The following EEFSEC variants were observed in gnomAD, a reference collection of about 807,000 sequenced individuals.
The protein encoded by EEFSEC is eukaryotic elongation factor, selenocysteine-tRNA specific.
EEFSEC carries 43 observed loss-of-function variants against 42.1 expected under a neutral mutation model. The ratio of observed to expected loss-of-function variants is 1.02; its 90% CI spans 0.80 to 1.32. The LOEUF (loss-of-function observed/expected upper bound fraction) is 1.32. Ranked by LOEUF, EEFSEC falls within the 40% of genes most tolerant of loss-of-function variation. EEFSEC has a pLI of 0.00. For synonymous variants in EEFSEC, 354 were observed against 339.1 expected (o/e 1.04, Z -0.48); for missense variants, 745 against 803.6 (o/e 0.93, Z 0.88).
intron 1 of EEFSEC, 75 bp downstream of exon 1, chr3:128,153,898 C>T (rs1164821256): frequency 2.1e-6 from 3 of 1,424,728 alleles, no homozygotes; most frequent in Non-Finnish European, 1.8e-6. Context: ...CGAATTCGCT[C>T]GAGCCTTTGC....
At chr3:128,345,021 G>A (rs1024659642) in intron 5 of EEFSEC, among the ~76,000 whole-genome samples, 2 of 152,138 alleles carry the variant, frequency 1.3e-5, no homozygotes, top group Admixed American at 6.5e-5. Context: ...CTTGACCAGG[G>A]GCTCAGCCAT....
chr3:128,235,825 G>C (rs1193404120), intron 1 of EEFSEC, among the ~76,000 whole-genome samples: 1 of 151,638 alleles, frequency 6.6e-6, no homozygotes, highest in Non-Finnish European at 1.5e-5. Flanking sequence ...TGTGCACGTG[G>C]GTCACTGCTA....
intron 1 of EEFSEC, among the ~76,000 whole-genome samples, chr3:128,176,082 G>A (rs1420362733): frequency 1.3e-5 from 2 of 152,138 alleles, no homozygotes; most frequent in Non-Finnish European, 2.9e-5. Context: ...CCTATACTCT[G>A]TAAGTGGTGT....
chr3:128,375,750 C>G (rs1225989546), intron 6 of EEFSEC, among the ~76,000 whole-genome samples: 2 of 152,186 alleles, frequency 1.3e-5, no homozygotes, highest in Non-Finnish European at 2.9e-5. Context: ...GCTCTGAATC[C>G]CAGGTGGCTC....
chr3:128,235,821 C>T (rs566411378), intron 1 of EEFSEC, among the ~76,000 whole-genome samples: 31 of 152,008 alleles, frequency 2.0e-4, no homozygotes, highest in Admixed American at 3.3e-4. Context: ...CCCATGTGCA[C>T]GTGGGTCACT....
intron 5 of EEFSEC, among the ~76,000 whole-genome samples, chr3:128,344,874 C>G (rs371095263): frequency 6.6e-6 from 1 of 152,224 alleles, no homozygotes; most frequent in Non-Finnish European, 1.5e-5. Context: ...TATGTAAGAG[C>G]CGACTCTCAT....
intron 4 of EEFSEC, among the ~76,000 whole-genome samples, chr3:128,339,924 A>C (rs577492194): frequency 6.6e-6 from 1 of 152,310 alleles, no homozygotes; most frequent in African/African-American, 2.4e-5. Flanking sequence ...AAACAATCAG[A>C]TCTAGTGAGA....
intron 3 of EEFSEC, among the ~76,000 whole-genome samples, chr3:128,264,305 C>G (rs2811545): frequency 0.84 from 127,837 of 152,200 alleles, 54,166 homozygotes; most frequent in East Asian, 0.99. Flanking sequence ...TGGCTACTCT[C>G]CTGCAGCATG....
At chr3:128,156,517 G>A (rs1944384008) in intron 1 of EEFSEC, among the ~76,000 whole-genome samples, 1 of 152,162 alleles carries the variant, frequency 6.6e-6, no homozygotes, top group South Asian at 2.1e-4. Flanking sequence ...CAAATCGAAG[G>A]TTCAAGGCAA....
intron 6 of EEFSEC, among the ~76,000 whole-genome samples, chr3:128,387,233 C>T (rs2067851490): frequency 6.6e-6 from 1 of 152,196 alleles, no homozygotes; most frequent in South Asian, 2.1e-4. Flanking sequence ...GAGGTGGCTC[C>T]TGAGGACAGA....
intron 4 of EEFSEC, among the ~76,000 whole-genome samples, chr3:128,290,955 G>A (rs531002310): frequency 7.2e-5 from 11 of 151,784 alleles, no homozygotes; most frequent in Non-Finnish European, 1.5e-4. Flanking sequence ...CGCCATATTG[G>A]CCATGGCTGG....
At chr3:128,348,705 T>A (rs73201466) in intron 5 of EEFSEC, among the ~76,000 whole-genome samples, 1,560 of 152,194 alleles carry the variant, frequency 0.01, 13 homozygotes, top group Non-Finnish European at 0.014. Context: ...ATATATTAGG[T>A]AAATAGTAGG....
At chr3:128,257,794 A>C (rs1230151380) in intron 2 of EEFSEC, among the ~76,000 whole-genome samples, 1 of 152,180 alleles carries the variant, frequency 6.6e-6, no homozygotes, top group Non-Finnish European at 1.5e-5. Flanking sequence ...AAAGTGCAGG[A>C]AGTACTCACC....
chr3:128,410,837 C>T (rs1436733134), downstream of EEFSEC, among the ~76,000 whole-genome samples: 2 of 152,172 alleles, frequency 1.3e-5, no homozygotes, highest in African/African-American at 2.4e-5. Context: ...GCGTCCACCT[C>T]CACCCCACCT....
At chr3:128,381,127 GT>G (rs1232760414) in intron 6 of EEFSEC, among the ~76,000 whole-genome samples, 4 of 152,330 alleles carry the variant, frequency 2.6e-5, no homozygotes, top group Admixed American at 2.6e-4. Context: ...TGGGCATTTA[GT>G]TGGAAAGCCA....
At chr3:128,225,222 T>C (rs2065896955) in intron 1 of EEFSEC, among the ~76,000 whole-genome samples, 1 of 151,500 alleles carries the variant, frequency 6.6e-6, no homozygotes, top group Non-Finnish European at 1.5e-5. Flanking sequence ...TGTCTATTCT[T>C]AAGGAGGTGT....
intron 1 of EEFSEC, among the ~76,000 whole-genome samples, chr3:128,154,333 G>T (rs1368722263): frequency 4.6e-5 from 7 of 152,096 alleles, no homozygotes; most frequent in South Asian, 2.1e-4. Flanking sequence ...TTTTAGACAC[G>T]ATTTCACTCA....
intron 6 of EEFSEC, among the ~76,000 whole-genome samples, chr3:128,390,633 C>T (rs998842350): frequency 6.6e-6 from 1 of 152,180 alleles, no homozygotes; most frequent in Non-Finnish European, 1.5e-5. Flanking sequence ...CAGGACACAG[C>T]GGCCACAATC....
At chr3:128,193,093 T>C (rs1378699226) in intron 1 of EEFSEC, among the ~76,000 whole-genome samples, 1 of 152,084 alleles carries the variant, frequency 6.6e-6, no homozygotes, top group Non-Finnish European at 1.5e-5. Context: ...CTCTGCAGGG[T>C]GGCCACACTC....
Sources: gnomAD v4.1 joint callset for allele counts (sites outside exome capture counted in the v4.1 genomes callset) on GRCh38, gnomAD v4.1.1 for gene constraint, MANE v1.5 for transcripts, NCBI Gene and HGNC (gene_info 2026-07-23, HGNC 2026-07-21) for gene names.